The following G3BP2 variants were observed in gnomAD, a reference collection of about 807,000 sequenced individuals.
G3BP2 encodes the protein ras GTPase-activating protein-binding protein 2.
G3BP2 carries 11 observed loss-of-function variants against 56.7 expected under a neutral mutation model. The ratio of observed to expected loss-of-function variants is 0.19; its 90% confidence interval spans 0.12 to 0.32. G3BP2 has a LOEUF of 0.32. Among genes scored for constraint, G3BP2 ranks in the 10% least tolerant of loss-of-function variants. The probability of loss-of-function intolerance (pLI) is 1.00; values close to 1 mark genes in which losing one functional copy is unlikely to be tolerated. For synonymous variants in G3BP2, 165 were observed against 191.6 expected, an observed-to-expected ratio of 0.86 and a Z score of 1.15; for missense variants, 340 against 610.9, an observed-to-expected ratio of 0.56 and a Z score of 4.67.
At chr4:75,654,881 G>T (rs777367899) in intron 7 of G3BP2, 185 bp downstream of exon 7, 64 of 577,494 alleles carry the variant, frequency 1.1e-4, no homozygotes, top group Non-Finnish European at 1.5e-4. Context: ...CACTCTTAGA[G>T]GGGTATTTTG....
chr4:75,708,927 A>T (rs1465840084), intron 3 of G3BP2, among the ~76,000 whole-genome samples: 1 of 152,216 alleles, frequency 6.6e-6, no homozygotes, highest in Admixed American at 6.5e-5. Context: ...CCTGGGCAAC[A>T]TGGTGAAACC....
At chr4:75,711,933 G>C (rs1719775681) in intron 3 of G3BP2, among the ~76,000 whole-genome samples, 1 of 152,008 alleles carries the variant, frequency 6.6e-6, no homozygotes, top group African/African-American at 2.4e-5. Context: ...CCCTAAGTCT[G>C]TTGTTATTTG....
intron 3 of G3BP2, among the ~76,000 whole-genome samples, chr4:75,690,048 T>C (rs554014870): frequency 3.3e-4 from 50 of 152,324 alleles, no homozygotes; most frequent in Middle Eastern, 6.8e-3. Context: ...TTATGCTTTT[T>C]TCTGTAAATA....
chr4:75,657,826 CAA>C, intron 3 of G3BP2, 96 bp from the exon 4 acceptor site: 2 of 738,212 alleles, frequency 2.7e-6, no homozygotes, highest in Non-Finnish European at 4.5e-6. Flanking sequence ...TACAACTCTG[CAA>C]TATTAACTAA....
At chr4:75,665,618 AACACACAAAC>A (rs989097540) in intron 1 of G3BP2, among the ~76,000 whole-genome samples, 15 of 32,218 alleles carry the variant, frequency 4.7e-4, no homozygotes, top group East Asian at 2.6e-3. Flanking sequence ...TGTAGTCACA[AACACACAAAC>A]ACACACACAC....
At chr4:75,656,884 A>G in intron 5 of G3BP2, 40 bp downstream of exon 5, 1 of 920,420 alleles carries the variant, frequency 1.1e-6, no homozygotes. Flanking sequence ...AAGAGTACCA[A>G]CAGAACCCTT....
In G3BP2 at chr4:75,705,397, T is replaced by C. The variant is rs114066162; in HGVS notation, c.-25+15480A>G. ...CCATTTCAACAGAAGTCTGGAATTATAGACCAGAGCCATATTAAGTCAAAT... is the reference window on the plus strand; with the variant it reads ...CCATTTCAACAGAAGTCTGGAATTACAGACCAGAGCCATATTAAGTCAAAT... On this transcript the variant is annotated intron_variant, in intron 3 of 3. Coordinates refer to the G3BP2 transcript ENST00000499709. 4.8e-3 allele frequency among the ~76,000 whole-genome samples: 727 copies of C among 152,394 alleles called. 7 individuals are homozygous for C. The highest frequency in any genetic ancestry group is 0.017 in the African/African-American group (701 of 41,594).
At chr4:75,674,711 TA>T (rs1560407775), upstream of G3BP2, among the ~76,000 whole-genome samples, 235 of 49,004 alleles carry the variant, frequency 4.8e-3, 4 homozygotes, top group African/African-American at 0.015. Context: ...TATATATATA[TA>T]TATATATTTT....
chr4:75,675,260 C>T (rs1437265889), upstream of G3BP2, among the ~76,000 whole-genome samples: 1 of 152,198 alleles, frequency 6.6e-6, no homozygotes, highest in African/African-American at 2.4e-5. Context: ...GTTTGGAGCT[C>T]TTCCGTGCAA....
intron 3 of G3BP2, among the ~76,000 whole-genome samples, chr4:75,696,810 C>G (rs1254498062): frequency 2.0e-5 from 3 of 152,260 alleles, no homozygotes; most frequent in African/African-American, 7.2e-5. Flanking sequence ...TAACACAGGT[C>G]CATGTTCACA....
intron 8 of G3BP2, among the ~76,000 whole-genome samples, chr4:75,651,934 G>C (rs1040486186): frequency 1.3e-5 from 2 of 151,942 alleles, no homozygotes; most frequent in African/African-American, 4.8e-5. Context: ...CCAATACCCT[G>C]GAATTAACTT....
In G3BP2 at chr4:75,646,569, T is replaced by A. The variant is rs529952755; in HGVS notation, c.1058-113A>T. The A allele has an allele frequency of 2.4e-5, 18 of 744,948 alleles. No individual in the cohort carries two copies. In the African/African-American group the frequency reaches 3.2e-4, roughly 13 times the overall value. The allele number at this position is 744,948 out of a possible 1,614,324, so 46.1% of individuals were successfully genotyped here. ...TCCCCGATCCATTTTAAAATAAAAC[T>A]CGCAAGCTTCTACACACAGTGATAG... On this transcript the variant is annotated intron_variant, in intron 10 of 11. Coordinates refer to ENST00000359707, the MANE Select transcript of G3BP2 (RefSeq NM_203505.3).
chr4:75,720,851 TG>T (rs889893702), intron 3 of G3BP2, among the ~76,000 whole-genome samples: 13 of 130,636 alleles, frequency 1.0e-4, no homozygotes, highest in Non-Finnish European at 2.0e-4. Context: ...AAAAATATTT[TG>T]AAGCCTGGGG....
At chr4:75,709,419 C>CAGA (rs1553893808) in intron 3 of G3BP2, among the ~76,000 whole-genome samples, 1 of 47,402 alleles carries the variant, frequency 2.1e-5, no homozygotes, top group East Asian at 8.3e-4. Flanking sequence ...GACTCCGTCT[C>CAGA]AAAAAAAAAA....
intron 1 of G3BP2, among the ~76,000 whole-genome samples, chr4:75,668,004 C>A (rs1236951654): frequency 6.6e-6 from 1 of 152,202 alleles, no homozygotes; most frequent in Non-Finnish European, 1.5e-5. Flanking sequence ...TTTATTCATT[C>A]CTGTTTCTTA....
intron 3 of G3BP2, among the ~76,000 whole-genome samples, chr4:75,682,190 G>A (rs1312635665): frequency 6.6e-6 from 1 of 152,152 alleles, no homozygotes; most frequent in Non-Finnish European, 1.5e-5. Context: ...GCCGAGGCAG[G>A]CGGATCACGA....
At chr4:75,707,175 G>GAAAAAAAA (rs35357713) in intron 3 of G3BP2, among the ~76,000 whole-genome samples, 2 of 103,614 alleles carry the variant, frequency 1.9e-5, no homozygotes, top group Admixed American at 1.0e-4. Flanking sequence ...ACTCCGTCTT[G>GAAAAAAAA]AAAAAAAAAA....
chr4:75,649,883 CACCTGTA>C, intron 8 of G3BP2, among the ~76,000 whole-genome samples: 1 of 152,120 alleles, frequency 6.6e-6, no homozygotes, highest in Non-Finnish European at 1.5e-5. Flanking sequence ...TGGTGGCAGG[CACCTGTA>C]ACCCCAGCTA....
upstream of G3BP2, chr4:75,673,509 C>T (rs556179661): frequency 3.1e-5 from 38 of 1,232,278 alleles, no homozygotes; most frequent in Admixed American, 6.7e-4. Flanking sequence ...CGCATCTCCT[C>T]CAGAGCCGGA....
Sources: allele counts gnomAD v4.1 joint callset (sites outside exome capture counted in the v4.1 genomes callset), GRCh38; gene constraint gnomAD v4.1.1; transcripts MANE v1.5; gene names NCBI Gene and HGNC (gene_info 2026-07-23, HGNC 2026-07-21).